The following PPFIA2 variants were observed in gnomAD, a reference collection of about 807,000 sequenced individuals.
PPFIA2 encodes PPFI scaffold protein A2, also known as liprin-alpha-2.
PPFIA2 carries 46 observed loss-of-function variants against 175.5 expected under a neutral mutation model. That is an observed-to-expected ratio of 0.26 (90% CI 0.21 to 0.34). The LOEUF is 0.34. Among genes scored for constraint, PPFIA2 ranks in the 10% least tolerant of loss-of-function variants. PPFIA2 has a pLI of 1.00. For synonymous variants in PPFIA2, 568 were observed against 511.4 expected, an observed-to-expected ratio of 1.11 and a Z score of -1.49; for missense variants, 1,179 against 1,506.1, an observed-to-expected ratio of 0.78 and a Z score of 3.60.
At chr12:81,265,738 T>C (rs1373385817) in intron 30 of PPFIA2, among the ~76,000 whole-genome samples, 1 of 152,226 alleles carries the variant, frequency 6.6e-6, no homozygotes, top group Non-Finnish European at 1.5e-5. Context: ...ACTTTTCTTC[T>C]AGTTCATTAC....
intron 5 of PPFIA2, among the ~76,000 whole-genome samples, chr12:81,455,638 AT>A (rs568750300): frequency 6.6e-4 from 100 of 152,258 alleles, no homozygotes; most frequent in Non-Finnish European, 1.2e-3. Flanking sequence ...GGGGTTCAAT[AT>A]GATGAAAATT....
At chr12:81,267,161 T>C in intron 29 of PPFIA2, 141 bp from the exon 30 acceptor site, 1 of 668,768 alleles carries the variant, frequency 1.5e-6, no homozygotes, top group Non-Finnish European at 2.6e-6. Flanking sequence ...ATGTCTGTTA[T>C]TAGCCATTGT....
At chr12:81,355,043 A>G (rs117950542) in intron 16 of PPFIA2, among the ~76,000 whole-genome samples, 2,754 of 152,228 alleles carry the variant, frequency 0.018, 50 homozygotes, top group Non-Finnish European at 0.031. Flanking sequence ...CTTTGCCCCA[A>G]TCCATCAGAG....
chr12:81,282,593 TGCTC>T (rs2042321390), intron 26 of PPFIA2: 1 of 153,344 alleles, frequency 6.5e-6, no homozygotes, highest in Non-Finnish European at 1.5e-5. Flanking sequence ...CGCCAACACT[TGCTC>T]CTCCAACCTC....
chr12:81,687,889 TAAAG>T (rs2153583346), intron 3 of PPFIA2, among the ~76,000 whole-genome samples: 1 of 152,038 alleles, frequency 6.6e-6, no homozygotes, highest in South Asian at 2.1e-4. Flanking sequence ...ATGTGTAAAA[TAAAG>T]ATAGGCTATG....
At chr12:81,470,747 G>C (rs954478234) in intron 4 of PPFIA2, among the ~76,000 whole-genome samples, 13 of 152,090 alleles carry the variant, frequency 8.5e-5, no homozygotes, top group South Asian at 6.2e-4. Flanking sequence ...TTTATTTTCT[G>C]TGATAAGAAC....
chr12:81,533,064 T>A (rs748322688), intron 4 of PPFIA2, among the ~76,000 whole-genome samples: 6 of 151,724 alleles, frequency 4.0e-5, no homozygotes, highest in Non-Finnish European at 5.9e-5. Context: ...TGAGGGGCAC[T>A]TAACTTTCTG....
At chr12:81,412,371 C>A (rs1010094432) in intron 7 of PPFIA2, among the ~76,000 whole-genome samples, 10 of 142,868 alleles carry the variant, frequency 7.0e-5, no homozygotes, top group Admixed American at 2.8e-4. Context: ...AGTAGGACTA[C>A]AATAACAAAA....
chr12:81,668,289 A>G (rs1567794860), intron 4 of PPFIA2, among the ~76,000 whole-genome samples: 1 of 151,950 alleles, frequency 6.6e-6, no homozygotes, highest in Non-Finnish European at 1.5e-5. Flanking sequence ...AAGCTCATGT[A>G]CCTTTGACAC....
intron 4 of PPFIA2, among the ~76,000 whole-genome samples, chr12:81,497,245 A>G (rs1402141433): frequency 1.3e-5 from 2 of 152,116 alleles, no homozygotes; most frequent in Non-Finnish European, 2.9e-5. Flanking sequence ...ATGATAATAG[A>G]AGCAATTGCA....
chr12:81,701,536 C>T (rs74818702), intron 3 of PPFIA2, among the ~76,000 whole-genome samples: 2,483 of 152,148 alleles, frequency 0.016, 50 homozygotes, highest in East Asian at 0.044. Flanking sequence ...GCTCAAATCA[C>T]GGCTCTGAAA....
At chr12:81,635,376 T>A (rs1173979130) in intron 4 of PPFIA2, among the ~76,000 whole-genome samples, 1 of 152,216 alleles carries the variant, frequency 6.6e-6, no homozygotes, top group African/African-American at 2.4e-5. Context: ...TCACTTACTA[T>A]AATTGTATAA....
At chr12:81,448,045 T>C (rs772659466) in intron 5 of PPFIA2, among the ~76,000 whole-genome samples, 14 of 152,136 alleles carry the variant, frequency 9.2e-5, no homozygotes, top group Non-Finnish European at 1.2e-4. Flanking sequence ...TTGCATAATA[T>C]AGTCGTTCAA....
At chr12:81,574,182 T>C (rs1460236318) in intron 4 of PPFIA2, among the ~76,000 whole-genome samples, 2 of 151,882 alleles carry the variant, frequency 1.3e-5, no homozygotes, top group African/African-American at 4.8e-5. Context: ...ATCATCTACT[T>C]CTGTGCAGCC....
chr12:81,536,731 T>C (rs1420320744), intron 4 of PPFIA2, among the ~76,000 whole-genome samples: 4 of 113,814 alleles, frequency 3.5e-5, no homozygotes, highest in African/African-American at 1.4e-4. Flanking sequence ...TATACACAAA[T>C]ATATATACAT....
chr12:81,637,168 C>T (rs918847965), intron 4 of PPFIA2, among the ~76,000 whole-genome samples: 1 of 147,180 alleles, frequency 6.8e-6, no homozygotes, highest in African/African-American at 2.5e-5. Flanking sequence ...CTCCTGGGTT[C>T]AAGCGATTCT....
chr12:81,666,369 C>T (rs2070279909), intron 4 of PPFIA2, among the ~76,000 whole-genome samples: 1 of 152,128 alleles, frequency 6.6e-6, no homozygotes, highest in African/African-American at 2.4e-5. Flanking sequence ...CCCAAATATC[C>T]AACAATGATA....
At chr12:81,625,180 A>T (rs2062555785) in intron 4 of PPFIA2, among the ~76,000 whole-genome samples, 1 of 151,840 alleles carries the variant, frequency 6.6e-6, no homozygotes. Context: ...TGACTACATA[A>T]GTATGCTGTA....
At chr12:81,406,037 T>G (rs920649873) in intron 7 of PPFIA2, 134 bp from the exon 8 acceptor site, 10 of 529,160 alleles carry the variant, frequency 1.9e-5, no homozygotes, top group Non-Finnish European at 3.0e-5. Context: ...TACATTTTAC[T>G]GAATTATTAT....
Sources: allele counts gnomAD v4.1 joint callset (sites outside exome capture counted in the v4.1 genomes callset), GRCh38; gene constraint gnomAD v4.1.1; transcripts MANE v1.5; gene names NCBI Gene and HGNC (gene_info 2026-07-23, HGNC 2026-07-21).